Variants in FBXL18 observed in about 807,000 individuals in gnomAD.
FBXL18 encodes F-box and leucine rich repeat protein 18, also known as F-box/LRR-repeat protein 18.
FBXL18 carries 36 observed loss-of-function variants against 46.0 expected under a neutral mutation model. The ratio of observed to expected loss-of-function variants is 0.78; its 90% CI spans 0.60 to 1.03. The LOEUF is 1.03. Among genes scored for constraint, FBXL18 ranks in the 50% least tolerant of loss-of-function variants. The pLI is 0.00. For missense variants in FBXL18, 977 were observed against 1,004.1 expected, an observed-to-expected ratio of 0.97 and a Z score of 0.36; for synonymous variants, 557 against 465.3, an observed-to-expected ratio of 1.20 and a Z score of -2.54.
At chr7:5,502,673 A>C (rs751382920) in intron 2 of FBXL18, among the ~76,000 whole-genome samples, 1 of 152,050 alleles carries the variant, frequency 6.6e-6, no homozygotes, top group Non-Finnish European at 1.5e-5. Context: ...TCTACTAAAA[A>C]TACAAAAATT....
chr7:5,501,573 G>A lies in FBXL18; in HGVS notation c.696C>T (p.Val232=), dbSNP rs759332661. 8 of 1,613,786 alleles carry A rather than the reference G, an allele frequency of 5.0e-6. No individual in the cohort carries two copies. In the African/African-American group the frequency reaches 9.3e-5, roughly 19 times the overall value. ...AGCCGGGGGCCAGGCGCGCATAGAA[G>A]ACCCGCAGGTTCTGGTAGTGCGGCA... ...SNVPHYQNLR[V]FYARLAPGYI... The change falls in exon 3 of 5, where the codon GTC becomes GTT. Residue 232 remains valine, a synonymous_variant. Transcript: ENST00000382368.
At chr7:5,470,516 G>A (rs1335748899) in intron 4 of FBXL18, among the ~76,000 whole-genome samples, 2 of 152,184 alleles carry the variant, frequency 1.3e-5, no homozygotes, top group African/African-American at 2.4e-5. Context: ...GAGCTGCCCA[G>A]AGAAACCGCA....
In FBXL18 at chr7:5,513,701, G is replaced by A; in HGVS notation, c.-27C>T. On this transcript the variant is annotated 5_prime_UTR_variant, in exon 1 of 5. Transcript: ENST00000382368. ...TCGCCGGCGGGTCCGAACCGCGGCC[G>A]CGGGATCCGCAACCCCGTGCCTCCC... 1 of 1,596,340 alleles carries A rather than the reference G, an allele frequency of 6.3e-7. No individual in the cohort carries two copies. Among genetic ancestry groups the A allele is most frequent in the South Asian group, 1.1e-5 (1 of 88,718 alleles).
At chr7:5,489,988 T>A in intron 4 of FBXL18, 1 of 1,283,888 alleles carries the variant, frequency 7.8e-7, no homozygotes, top group Non-Finnish European at 1.0e-6. Flanking sequence ...GTCTAAATTT[T>A]TAAAAAGTAC....
intron 4 of FBXL18, among the ~76,000 whole-genome samples, chr7:5,460,935 G>C (rs954430111): frequency 1.3e-5 from 2 of 152,224 alleles, no homozygotes; most frequent in African/African-American, 4.8e-5. Flanking sequence ...AAGCTGCACA[G>C]TTCTGAAGTA....
intron 4 of FBXL18, among the ~76,000 whole-genome samples, chr7:5,461,403 T>C (rs1453234754): frequency 2.0e-5 from 3 of 152,026 alleles, no homozygotes. Flanking sequence ...GATACAAAAG[T>C]AATTGTGATT....
intron 4 of FBXL18, chr7:5,489,874 A>C: frequency 1.5e-6 from 1 of 661,354 alleles, no homozygotes; most frequent in Non-Finnish European, 2.3e-6. Context: ...CAACCCAGAA[A>C]GCAGAGGTTG....
chr7:5,472,823 C>A (rs1263189445), downstream of FBXL18, among the ~76,000 whole-genome samples: 2 of 152,178 alleles, frequency 1.3e-5, no homozygotes, highest in Admixed American at 6.5e-5. Flanking sequence ...CCGTGAGCAC[C>A]CCACAGTGGC....
In FBXL18 at chr7:5,501,171, C is replaced by T. The variant is rs371901076; in HGVS notation, c.1098G>A (p.Ala366=). Residue 366 remains alanine, a synonymous_variant, in exon 3 of 5, where the codon GCG becomes GCA. Transcript: ENST00000382368. ...GGATGCTGCTGTCGATGTCGTCCTCCGCCTTGCGGAGCAGCGAGTCTGGGG... is the reference window on the plus strand; with the variant it reads ...GGATGCTGCTGTCGATGTCGTCCTCTGCCTTGCGGAGCAGCGAGTCTGGGG... ...CLSPDSLLRK[A]EDDIDSSILE... 3.1e-6 allele frequency: 5 copies of T among 1,613,196 alleles called. No individual in the cohort carries two copies. The highest frequency in any genetic ancestry group is 4.2e-6 in the Non-Finnish European group (5 of 1,179,738).
rs1209654186 is a variant in FBXL18, at chr7:5,500,781, G to A, written c.1488C>T (p.Ser496=). The A allele has an allele frequency of 3.7e-6, 6 of 1,612,652 alleles. No individual in the cohort carries two copies. Among genetic ancestry groups the A allele is most frequent in the Non-Finnish European group, 4.2e-6 (5 of 1,179,778 alleles). The change falls in exon 3 of 5, where the codon TCC becomes TCT. Residue 496 remains serine (S), a synonymous_variant. Transcript: ENST00000382368. ...CGGGCTCGTTGCGGGGCATGGCGGA[G>A]GAGAAGTTGGACCCAATCAGCTCGA... is the stretch of plus-strand genomic sequence containing the variant. The part of the protein sequence containing the change: ...EHLELIGSNF[S]SAMPRNEPAI...
chr7:5,504,878 T>C (rs1784354082), intron 2 of FBXL18, among the ~76,000 whole-genome samples: 1 of 117,326 alleles, frequency 8.5e-6, no homozygotes, highest in Non-Finnish European at 1.6e-5. Context: ...ATCATGCCAC[T>C]GCACTCTAGC....
intron 4 of FBXL18, chr7:5,489,606 TA>T (rs1283768581): frequency 0.066 from 11,651 of 175,566 alleles, 13 homozygotes; most frequent in South Asian, 0.17. Context: ...CCGTCTCTAC[TA>T]AAAAAAAAAA....
intron 3 of FBXL18, among the ~76,000 whole-genome samples, chr7:5,500,209 C>G (rs1487278733): frequency 2.0e-5 from 3 of 152,044 alleles, no homozygotes; most frequent in African/African-American, 4.8e-5. Context: ...CTGGCAGGGT[C>G]CTGAGACGAT....
intron 1 of FBXL18, among the ~76,000 whole-genome samples, chr7:5,508,295 A>C (rs1226396799): frequency 2.0e-5 from 3 of 151,488 alleles, no homozygotes; most frequent in African/African-American, 7.3e-5. Flanking sequence ...AAAAATACAA[A>C]AATTATCTGG....
chr7:5,493,704 G>A (rs1396780391), intron 3 of FBXL18, among the ~76,000 whole-genome samples: 2 of 150,294 alleles, frequency 1.3e-5, no homozygotes, highest in African/African-American at 4.9e-5. Flanking sequence ...TGTGGAGACA[G>A]GGGTCTCACT....
rs1388019633 is a variant in FBXL18, at chr7:5,481,531, C to G, written c.*244G>C. Reference sequence around the variant, plus strand: ...AGGGTCAGCCTGGTTCAGCCAGCCCCCCACATCGACCGTCCCCCGAGCCCC... The same window carrying G: ...AGGGTCAGCCTGGTTCAGCCAGCCCGCCACATCGACCGTCCCCCGAGCCCC... On this transcript the variant is annotated 3_prime_UTR_variant, in exon 5 of 5. Transcript: ENST00000382368. 2 of 466,592 alleles carry G rather than the reference C, an allele frequency of 4.3e-6. No individual in the cohort carries two copies. Among genetic ancestry groups the G allele is most frequent in the Non-Finnish European group, 7.8e-6 (2 of 257,638 alleles). 28.9% of individuals were successfully genotyped at this position (466,592 alleles called of 1,614,324 possible). A position where few individuals can be genotyped will look rare whatever the true frequency, so the allele number is the denominator to read the frequency against.
At chr7:5,482,372 C>T (rs886656362) in intron 4 of FBXL18, among the ~76,000 whole-genome samples, 8 of 152,148 alleles carry the variant, frequency 5.3e-5, no homozygotes, top group Non-Finnish European at 1.0e-4. Flanking sequence ...GCAGGTGGGC[C>T]ACCTCAAGGG....
At position 5,501,588 on chromosome 7, in the gene FBXL18, G is replaced by A. The variant is rs1784260652; in HGVS notation, c.681C>T (p.Tyr227=). ...GCGCATAGAAGACCCGCAGGTTCTG[G>A]TAGTGCGGCACGTTGCTCTGGCCCA... The part of the protein sequence containing the change: ...LMVGQSNVPH[Y]QNLRVFYARL... The change falls in exon 3 of 5, where the codon TAC becomes TAT. Residue 227 remains tyrosine (Y), a synonymous_variant. Transcript: ENST00000382368. 1 of 1,613,952 alleles carries A rather than the reference G, an allele frequency of 6.2e-7. No individual in the cohort carries two copies. The highest frequency in any genetic ancestry group is 1.1e-5 in the South Asian group (1 of 91,086).
downstream of FBXL18, among the ~76,000 whole-genome samples, chr7:5,475,581 C>G (rs1249307229): frequency 6.6e-6 from 1 of 152,218 alleles, no homozygotes; most frequent in Non-Finnish European, 1.5e-5. This position sits in a 1 kb window ranked among gnomAD's most constrained non-coding sequence, Gnocchi z 4.2. Context: ...AAGGCTGTCT[C>G]AGCTGTCACC....
Sources: gnomAD v4.1 joint callset for allele counts (sites outside exome capture counted in the v4.1 genomes callset) on GRCh38, gnomAD v4.1.1 for gene constraint, Gnocchi (gnomAD v3.1) non-coding constraint, MANE v1.5 for transcripts, NCBI Gene and HGNC (gene_info 2026-07-23, HGNC 2026-07-21) for gene names.